CSMD1: variants seen among roughly 807,000 people sequenced by gnomAD.
The protein encoded by CSMD1 is CUB and sushi domain-containing protein 1.
CSMD1 carries 213 observed loss-of-function variants against 417.5 expected under a neutral mutation model. The ratio of observed to expected loss-of-function variants is 0.51; its 90% CI spans 0.46 to 0.57. The LOEUF (loss-of-function observed/expected upper bound fraction) is 0.57. Among genes scored for constraint, CSMD1 ranks in the 20% least tolerant of loss-of-function variants. The pLI is 0.00. For missense variants in CSMD1, 6,923 were observed against 4,529.7 expected (o/e 1.53, Z -15.17); for synonymous variants, 2,862 against 1,736.8 (o/e 1.65, Z -16.11).
At chr8:4,535,830 C>G (rs1256923139) in intron 2 of CSMD1, among the ~76,000 whole-genome samples, 1 of 152,134 alleles carries the variant, frequency 6.6e-6, no homozygotes, top group Non-Finnish European at 1.5e-5. Context: ...GGAAATACAT[C>G]GTGAGTTCAC....
chr8:4,758,280 TC>T (rs1409637044), intron 1 of CSMD1, among the ~76,000 whole-genome samples: 1 of 152,200 alleles, frequency 6.6e-6, no homozygotes, highest in Non-Finnish European at 1.5e-5. Flanking sequence ...TTCAGCTGTT[TC>T]CCAACGTTGC....
At chr8:4,605,480 T>C (rs776135199) in intron 2 of CSMD1, among the ~76,000 whole-genome samples, 4 of 152,210 alleles carry the variant, frequency 2.6e-5, no homozygotes, top group Non-Finnish European at 5.9e-5. Context: ...ATCTTACCTT[T>C]ATGCCCGACT....
At chr8:3,707,562 A>T (rs1165997008) in intron 7 of CSMD1, among the ~76,000 whole-genome samples, 1 of 152,194 alleles carries the variant, frequency 6.6e-6, no homozygotes, top group Admixed American at 6.5e-5. Flanking sequence ...GACGGTACTC[A>T]TCTCTCGTTT....
chr8:3,864,436 G>T (rs1204330118), intron 5 of CSMD1, among the ~76,000 whole-genome samples: 3 of 152,166 alleles, frequency 2.0e-5, no homozygotes, highest in African/African-American at 7.2e-5. Flanking sequence ...AAGGAATACA[G>T]TATGAGAAGG....
At chr8:4,217,185 T>C (rs1800734705) in intron 3 of CSMD1, among the ~76,000 whole-genome samples, 1 of 152,204 alleles carries the variant, frequency 6.6e-6, no homozygotes, top group Non-Finnish European at 1.5e-5. Flanking sequence ...TGCCGCTGCT[T>C]ATCATGCAAA....
In CSMD1 at chr8:3,490,875, A is replaced by AT. The variant is rs905479181; in HGVS notation, c.1448+2747dup. Among the ~76,000 whole-genome samples, 9 of 151,294 alleles carry AT rather than the reference A, an allele frequency of 5.9e-5. No homozygotes were observed. In the East Asian group the frequency reaches 7.8e-4, roughly 13 times the overall value. On this transcript the variant is annotated intron_variant, in intron 11 of 69. Coordinates refer to ENST00000635120, the MANE Select transcript of CSMD1 (RefSeq NM_033225.6). ...TGTTTTTAAAAATAAAAAGAAAAAA[A>AT]TTTTTTTTTACCTAGTAATTTGTCA... is the stretch of plus-strand genomic sequence containing the variant.
chr8:3,821,747 A>C (rs1013422997), intron 5 of CSMD1, among the ~76,000 whole-genome samples: 3 of 152,184 alleles, frequency 2.0e-5, no homozygotes, highest in Non-Finnish European at 4.4e-5. Flanking sequence ...GCACCACTGC[A>C]CTCCAGCCTG....
At chr8:4,855,952 C>G (rs1801774099) in intron 1 of CSMD1, among the ~76,000 whole-genome samples, 1 of 150,218 alleles carries the variant, frequency 6.7e-6, no homozygotes, top group African/African-American at 2.4e-5. Flanking sequence ...AACTCCAAGA[C>G]ACATAATTGT....
At position 4,832,099 on chromosome 8, in the gene CSMD1, CT is replaced by C. The variant is rs1800189789; in HGVS notation, c.85+162232del. The stretch of plus-strand genomic sequence containing the variant: ...TCTATCTACCCTTCTCTTCGGGAAC[CT>C]TTTGTGTACTGTTCACTGAACTGGC... On this transcript the variant is annotated intron_variant, in intron 1 of 69. Transcript: ENST00000635120. Among the ~76,000 whole-genome samples the C allele has an allele frequency of 2.6e-5, 4 of 152,294 alleles. No homozygotes were observed. The South Asian group carries it at 8.3e-4, about 32-fold the overall frequency.
At chr8:3,426,756 C>G (rs1813866699) in intron 12 of CSMD1, among the ~76,000 whole-genome samples, 1 of 152,116 alleles carries the variant, frequency 6.6e-6, no homozygotes, top group African/African-American at 2.4e-5. Flanking sequence ...CTGACATAAA[C>G]TAATTGGTGC....
chr8:4,071,408 T>A (rs985488579), intron 3 of CSMD1, among the ~76,000 whole-genome samples: 1 of 150,692 alleles, frequency 6.6e-6, no homozygotes, highest in South Asian at 2.1e-4. Context: ...TTAAAAAAAA[T>A]TGTAGTTTAG....
chr8:4,857,736 G>C (rs1381653294), intron 1 of CSMD1, among the ~76,000 whole-genome samples: 1 of 151,914 alleles, frequency 6.6e-6, no homozygotes, highest in Non-Finnish European at 1.5e-5. Flanking sequence ...TCTCTGAATA[G>C]ACCAATAACA....
At chr8:3,823,225 T>A (rs936049643) in intron 5 of CSMD1, among the ~76,000 whole-genome samples, 1 of 152,130 alleles carries the variant, frequency 6.6e-6, no homozygotes, top group African/African-American at 2.4e-5. Context: ...TTAGTTTAGG[T>A]CAAAAATAAA....
At chr8:4,461,932 G>T (rs184635373) in intron 2 of CSMD1, among the ~76,000 whole-genome samples, 1 of 151,912 alleles carries the variant, frequency 6.6e-6, no homozygotes, top group African/African-American at 2.4e-5. Context: ...TAGAAGAGAC[G>T]GGGTTTCATC....
In CSMD1 at chr8:3,120,376, T is replaced by C. The variant is rs572648227; in HGVS notation, c.6242-1789A>G. On this transcript the variant is annotated intron_variant, in intron 41 of 69. Coordinates refer to ENST00000635120, the MANE Select transcript of CSMD1 (RefSeq NM_033225.6). ...GGAAGACAGCAACCAGGCAACGCAA[T>C]ATGTGGGCCTACAGCGTGGCCTTGG... Among the ~76,000 whole-genome samples the C allele has an allele frequency of 3.9e-5, 6 of 152,284 alleles. No homozygotes were observed. In the East Asian group the frequency reaches 1.2e-3, roughly 29 times the overall value.
At chr8:3,248,860 T>G (rs1347335853) in intron 26 of CSMD1, among the ~76,000 whole-genome samples, 1 of 152,068 alleles carries the variant, frequency 6.6e-6, no homozygotes, top group Non-Finnish European at 1.5e-5. Flanking sequence ...AATACCACAT[T>G]TTCAAGACTG....
chr8:4,311,151 G>C (rs1361024085), intron 3 of CSMD1, among the ~76,000 whole-genome samples: 1 of 152,154 alleles, frequency 6.6e-6, no homozygotes, highest in Non-Finnish European at 1.5e-5. Context: ...GTGACTGGCT[G>C]TAAGCCCAGT....
chr8:4,324,798 C>G (rs1381910264), intron 3 of CSMD1, among the ~76,000 whole-genome samples: 1 of 152,180 alleles, frequency 6.6e-6, no homozygotes, highest in South Asian at 2.1e-4. Context: ...TACCTAGCGC[C>G]TGCTTCCCAT....
At chr8:4,380,654 C>T (rs1242346805) in intron 3 of CSMD1, among the ~76,000 whole-genome samples, 5 of 152,112 alleles carry the variant, frequency 3.3e-5, no homozygotes, top group Non-Finnish European at 7.3e-5. Context: ...AATATCAGTT[C>T]ATTAATTGTG....
Sources: gnomAD v4.1 joint callset for allele counts (sites outside exome capture counted in the v4.1 genomes callset) on GRCh38, gnomAD v4.1.1 for gene constraint, MANE v1.5 for transcripts, NCBI Gene and HGNC (gene_info 2026-07-23, HGNC 2026-07-21) for gene names.